Variants in GPC6 observed in about 807,000 individuals in gnomAD.
GPC6 encodes the protein glypican-6.
Under a neutral mutation model 55.2 loss-of-function variants are expected in GPC6, and 14 were observed. The observed-to-expected ratio is 0.25, with a 90% CI of 0.17 to 0.40. The LOEUF (loss-of-function observed/expected upper bound fraction) is 0.40. GPC6 is among the 10% of genes least tolerant of loss of function. The probability of loss-of-function intolerance (pLI) is 1.00; values close to 1 mark genes in which losing one functional copy is unlikely to be tolerated. For synonymous variants in GPC6, 278 were observed against 259.6 expected (o/e 1.07, Z -0.68); for missense variants, 641 against 708.5 (o/e 0.90, Z 1.08).
At chr13:93,909,733 A>G (rs1372444135) in intron 3 of GPC6, among the ~76,000 whole-genome samples, 2 of 152,208 alleles carry the variant, frequency 1.3e-5, no homozygotes, top group Non-Finnish European at 2.9e-5. Flanking sequence ...AAAAAATCAT[A>G]AAGTCATATT....
chr13:94,224,387 A>G (rs2139005173), intron 4 of GPC6, among the ~76,000 whole-genome samples: 1 of 152,062 alleles, frequency 6.6e-6, no homozygotes, highest in South Asian at 2.1e-4. Context: ...CAAGGCCAAG[A>G]CACTTTTGTA....
At chr13:93,814,173 T>G (rs1295886815) in intron 2 of GPC6, among the ~76,000 whole-genome samples, 1 of 152,184 alleles carries the variant, frequency 6.6e-6, no homozygotes, top group African/African-American at 2.4e-5. Flanking sequence ...TCATTGCTAT[T>G]TGAGGAATTG....
chr13:93,656,417 T>C (rs1395658623), intron 2 of GPC6, among the ~76,000 whole-genome samples: 3 of 152,200 alleles, frequency 2.0e-5, no homozygotes, highest in African/African-American at 7.2e-5. Context: ...ATTACTATAA[T>C]GCTATCTCTC....
intron 2 of GPC6, among the ~76,000 whole-genome samples, chr13:93,744,949 G>GTA (rs1482163246): frequency 1.4e-5 from 2 of 147,658 alleles, no homozygotes; most frequent in East Asian, 2.0e-4. Flanking sequence ...AAAAAAAAAA[G>GTA]TATATATATC....
intron 1 of GPC6, among the ~76,000 whole-genome samples, chr13:93,521,811 C>T (rs1881432046): frequency 6.6e-6 from 1 of 151,892 alleles, no homozygotes; most frequent in Admixed American, 6.6e-5. Flanking sequence ...GGTGTATTTT[C>T]AGGTAGCTTT....
intron 1 of GPC6, among the ~76,000 whole-genome samples, chr13:93,447,079 T>C (rs1486670962): frequency 6.6e-6 from 1 of 152,098 alleles, no homozygotes; most frequent in Non-Finnish European, 1.5e-5. Flanking sequence ...TAAAATCCAT[T>C]CATTTAGCCA....
intron 3 of GPC6, among the ~76,000 whole-genome samples, chr13:93,981,166 C>T (rs1299264067): frequency 6.6e-6 from 1 of 152,240 alleles, no homozygotes; most frequent in Non-Finnish European, 1.5e-5. Context: ...TCCTTATTAT[C>T]GTTGATCACT....
intron 1 of GPC6, among the ~76,000 whole-genome samples, chr13:93,393,123 T>TAGAGAGAGAG (rs1213506339): frequency 8.5e-5 from 8 of 94,662 alleles, no homozygotes; most frequent in African/African-American, 1.4e-4. Context: ...TATATATATA[T>TAGAGAGAGAG]ATATAGAGAG....
intron 1 of GPC6, among the ~76,000 whole-genome samples, chr13:93,316,104 T>C (rs910020690): frequency 6.6e-6 from 1 of 152,078 alleles, no homozygotes; most frequent in African/African-American, 2.4e-5. Flanking sequence ...TCTTCTTTTA[T>C]GCATCCATGG....
At chr13:93,622,093 A>G (rs1245320292) in intron 2 of GPC6, among the ~76,000 whole-genome samples, 1 of 152,066 alleles carries the variant, frequency 6.6e-6, no homozygotes, top group Non-Finnish European at 1.5e-5. Flanking sequence ...CCCATATATG[A>G]GTGAGAACAT....
At chr13:93,766,778 A>G (rs1885141222) in intron 2 of GPC6, among the ~76,000 whole-genome samples, 2 of 152,142 alleles carry the variant, frequency 1.3e-5, no homozygotes, top group African/African-American at 2.4e-5. Flanking sequence ...CCCGTAAAAT[A>G]GTATTTCATG....
At chr13:93,963,891 A>G (rs1879900137) in intron 3 of GPC6, among the ~76,000 whole-genome samples, 1 of 152,164 alleles carries the variant, frequency 6.6e-6, no homozygotes, top group Admixed American at 6.5e-5. Flanking sequence ...GCCCTTTGGT[A>G]CCATTCTGGT....
chr13:93,383,708 C>CCTTAGGTCATAAAT (rs1875279494), intron 1 of GPC6, among the ~76,000 whole-genome samples: 1 of 151,214 alleles, frequency 6.6e-6, no homozygotes, highest in South Asian at 2.1e-4. Context: ...GTTTTATGAC[C>CCTTAGGTCATAAAT]CTTAGGTATT....
At chr13:93,816,404 A>C (rs1168717195) in intron 2 of GPC6, among the ~76,000 whole-genome samples, 2 of 152,074 alleles carry the variant, frequency 1.3e-5, no homozygotes, top group Non-Finnish European at 2.9e-5. Flanking sequence ...AACCCTTTTT[A>C]CTAATCAGCA....
intron 2 of GPC6, among the ~76,000 whole-genome samples, chr13:93,775,313 T>G (rs1334221660): frequency 1.3e-5 from 2 of 152,140 alleles, no homozygotes; most frequent in African/African-American, 4.8e-5. Flanking sequence ...TTCTCATTCA[T>G]TTTCCAAACT....
chr13:93,691,053 G>A (rs1003527649), intron 2 of GPC6, among the ~76,000 whole-genome samples: 2 of 152,020 alleles, frequency 1.3e-5, no homozygotes, highest in Non-Finnish European at 2.9e-5. Flanking sequence ...ACTGTCCAGA[G>A]CGGTTTTCTC....
chr13:94,237,321 T>C (rs1890908944), intron 4 of GPC6, among the ~76,000 whole-genome samples: 1 of 152,156 alleles, frequency 6.6e-6, no homozygotes, highest in Admixed American at 6.5e-5. Context: ...CTTTTCTCCA[T>C]CCTTCCCTTC....
At chr13:94,352,287 C>A (rs1236786869) in intron 6 of GPC6, among the ~76,000 whole-genome samples, 1 of 151,956 alleles carries the variant, frequency 6.6e-6, no homozygotes, top group Non-Finnish European at 1.5e-5. Context: ...CCAGGCTCAC[C>A]CCACCTTAAC....
At chr13:93,744,758 T>C (rs542210616) in intron 2 of GPC6, among the ~76,000 whole-genome samples, 9 of 150,954 alleles carry the variant, frequency 6.0e-5, no homozygotes, top group Middle Eastern at 3.4e-3. Flanking sequence ...GGTGAAACCG[T>C]CTCTACTGAA....
Sources: allele counts gnomAD v4.1 joint callset (sites outside exome capture counted in the v4.1 genomes callset), GRCh38; gene constraint gnomAD v4.1.1; transcripts MANE v1.5; gene names NCBI Gene and HGNC (gene_info 2026-07-23, HGNC 2026-07-21).